Variants in ST8SIA1 observed in about 807,000 individuals in gnomAD.
The protein encoded by ST8SIA1 is ST8 alpha-N-acetyl-neuraminide alpha-2,8-sialyltransferase 1.
A neutral mutation model predicts 35.9 loss-of-function variants in ST8SIA1; 16 were observed. The observed-to-expected ratio is 0.45, with a 90% CI of 0.30 to 0.68. The LOEUF (loss-of-function observed/expected upper bound fraction) is 0.68. Ranked by LOEUF, ST8SIA1 falls within the 30% of genes least tolerant of loss-of-function variation. The pLI is 0.09. For missense variants in ST8SIA1, 383 were observed against 453.6 expected, an observed-to-expected ratio of 0.84 and a Z score of 1.41; for synonymous variants, 170 against 169.6, an observed-to-expected ratio of 1.00 and a Z score of -0.02.
intron 3 of ST8SIA1, among the ~76,000 whole-genome samples, chr12:22,252,718 TAAAAAA>T (rs1865687791): frequency 6.6e-6 from 1 of 152,124 alleles, no homozygotes; most frequent in Non-Finnish European, 1.5e-5. Context: ...CATATAAGGC[TAAAAAA>T]GTCTTGTTTA....
intron 1 of ST8SIA1, among the ~76,000 whole-genome samples, chr12:22,289,764 G>GA (rs1295523050): frequency 1.3e-5 from 2 of 152,150 alleles, no homozygotes; most frequent in Non-Finnish European, 2.9e-5. Context: ...GGTTCAGAAG[G>GA]AAAATTTGTC....
chr12:22,313,521 G>C (rs867632001), intron 1 of ST8SIA1, among the ~76,000 whole-genome samples: 2 of 152,100 alleles, frequency 1.3e-5, no homozygotes, highest in Admixed American at 1.3e-4. Context: ...GAGGATTCTA[G>C]CCTGTGCCAA....
intron 1 of ST8SIA1, among the ~76,000 whole-genome samples, chr12:22,303,846 CCACACACACACACACA>C (rs61596419): frequency 0.022 from 3,119 of 140,774 alleles, 98 homozygotes; most frequent in African/African-American, 0.077. Context: ...CACCACCCTG[CCACACACACACACACA>C]CACACACACA....
intron 1 of ST8SIA1, among the ~76,000 whole-genome samples, chr12:22,314,021 T>C (rs865950376): frequency 4.6e-5 from 7 of 152,168 alleles, no homozygotes; most frequent in African/African-American, 1.4e-4. Context: ...TTGTGGTCCT[T>C]AAAACCGTGA....
At chr12:22,232,509 GTTATT>G (rs1395606739) in intron 4 of ST8SIA1, among the ~76,000 whole-genome samples, 1 of 152,134 alleles carries the variant, frequency 6.6e-6, no homozygotes, top group Non-Finnish European at 1.5e-5. Context: ...TTCTGTACTG[GTTATT>G]TTAAGTTTGA....
Position 22,334,324 on chromosome 12 carries a change from TG to T in ST8SIA1, c.-93del. On this transcript the variant is annotated 5_prime_UTR_variant, in exon 1 of 5. Transcript: ENST00000396037. ...AGGGTCCCCCACCGCCAGCCCCCCATGCACACACACCTTTGGTTCTCTTACT... is the reference window on the plus strand; with the variant it reads ...AGGGTCCCCCACCGCCAGCCCCCCATCACACACACCTTTGGTTCTCTTACT... 1.1e-6 allele frequency: 1 copy of T among 939,554 alleles called. No homozygotes were observed. The highest frequency in any genetic ancestry group is 1.6e-6 in the Non-Finnish European group (1 of 621,352). 58.2% of individuals were successfully genotyped at this position (939,554 alleles called of 1,614,324 possible). A position where few individuals can be genotyped will look rare whatever the true frequency, so the allele number is the denominator to read the frequency against.
In ST8SIA1 at chr12:22,334,399, G is replaced by T; in HGVS notation, c.-167C>A. On this transcript the variant is annotated 5_prime_UTR_variant, in exon 1 of 5. Coordinates refer to ENST00000396037, the MANE Select transcript of ST8SIA1 (RefSeq NM_003034.4). The stretch of plus-strand genomic sequence containing the variant: ...GGCCCCGTCGGCCCCAAAGGTCAGC[G>T]CAAGGATTTTTTCAAATGCAACTTT... The T allele has an allele frequency of 3.3e-6, 2 of 611,162 alleles. No homozygotes were observed. The highest frequency in any genetic ancestry group is 5.8e-6 in the Non-Finnish European group (2 of 347,778). 37.9% of individuals were successfully genotyped at this position (611,162 alleles called of 1,614,324 possible).
chr12:22,195,202 A>AAAAG lies in ST8SIA1; in HGVS notation c.*6349_*6350insCTTT. On this transcript the variant is annotated 3_prime_UTR_variant, in exon 5 of 5. Coordinates refer to ENST00000396037, the MANE Select transcript of ST8SIA1 (RefSeq NM_003034.4). The stretch of plus-strand genomic sequence containing the variant: ...CTCTGTCTCAACAAAAAAAAAAAAA[A>AAAAG]AAAAAAAAAAGAAAGAAAGAAAGAA... The AAAAG allele has an allele frequency of 6.9e-6, 1 of 144,616 alleles. No homozygotes were observed. Among genetic ancestry groups the AAAAG allele is most frequent in the Non-Finnish European group, 1.5e-5 (1 of 65,886 alleles). 9.0% of individuals were successfully genotyped at this position (144,616 alleles called of 1,614,324 possible).
intron 4 of ST8SIA1, among the ~76,000 whole-genome samples, chr12:22,216,853 C>A (rs1488541747): frequency 1.3e-5 from 2 of 152,234 alleles, no homozygotes. Context: ...ATACAAAAAG[C>A]AAAATATGCT....
intron 2 of ST8SIA1, among the ~76,000 whole-genome samples, chr12:22,281,123 AT>A (rs2135812703): frequency 6.6e-6 from 1 of 152,282 alleles, no homozygotes; most frequent in East Asian, 1.9e-4. Context: ...TGCCAAGGCA[AT>A]GCTAAAGTCC....
chr12:22,231,740 A>AT (rs1187257426), intron 4 of ST8SIA1, among the ~76,000 whole-genome samples: 1 of 151,592 alleles, frequency 6.6e-6, no homozygotes, highest in Non-Finnish European at 1.5e-5. Flanking sequence ...CGCCCGGCTA[A>AT]TTTTTTGTAT....
Position 22,255,404 on chromosome 12 carries a change from C to T in ST8SIA1, c.382-15G>A. 1.2e-6 allele frequency: 2 copies of T among 1,610,564 alleles called. No individual in the cohort carries two copies. Among genetic ancestry groups the T allele is most frequent in the Non-Finnish European group, 1.7e-6 (2 of 1,176,706 alleles). On this transcript the variant is annotated splice_polypyrimidine_tract_variant and intron_variant, in intron 2 of 4. Coordinates refer to ENST00000396037, the MANE Select transcript of ST8SIA1 (RefSeq NM_003034.4). Reference sequence around the variant, plus strand: ...AATGGGGTTGCCTAGCAACAGAAAACAAGGCGGGTTTTCACTGCAAAGAAC... The same window carrying T: ...AATGGGGTTGCCTAGCAACAGAAAATAAGGCGGGTTTTCACTGCAAAGAAC...
chr12:22,241,023 G>A (rs115462755), intron 4 of ST8SIA1, among the ~76,000 whole-genome samples: 166 of 141,944 alleles, frequency 1.2e-3, no homozygotes, highest in African/African-American at 4.0e-3. Flanking sequence ...CTGTTGCCCA[G>A]GCAAGACTGC....
chr12:22,209,258 T>A (rs1004313323), intron 4 of ST8SIA1, among the ~76,000 whole-genome samples: 1 of 151,744 alleles, frequency 6.6e-6, no homozygotes, highest in Non-Finnish European at 1.5e-5. Flanking sequence ...TAGCACAACA[T>A]AACAAAACAG....
intron 4 of ST8SIA1, among the ~76,000 whole-genome samples, chr12:22,203,912 G>A (rs1865077554): frequency 6.6e-6 from 1 of 152,122 alleles, no homozygotes; most frequent in Non-Finnish European, 1.5e-5. Flanking sequence ...AGCTTCCTGG[G>A]TTCTGATGAG....
At chr12:22,274,830 A>G (rs1440758418) in intron 2 of ST8SIA1, among the ~76,000 whole-genome samples, 1 of 152,164 alleles carries the variant, frequency 6.6e-6, no homozygotes, top group Non-Finnish European at 1.5e-5. Flanking sequence ...CATTCAGCAC[A>G]TTTTAATTTA....
chr12:22,279,420 G>T (rs928237315), intron 2 of ST8SIA1, among the ~76,000 whole-genome samples: 2 of 152,140 alleles, frequency 1.3e-5, no homozygotes, highest in Non-Finnish European at 2.9e-5. Context: ...TGGCCCCAGT[G>T]CTAGGATGCT....
At chr12:22,308,256 T>C (rs1866408294) in intron 1 of ST8SIA1, among the ~76,000 whole-genome samples, 1 of 152,214 alleles carries the variant, frequency 6.6e-6, no homozygotes. Context: ...ATTAAAAATT[T>C]GAAAGTTATA....
intron 1 of ST8SIA1, among the ~76,000 whole-genome samples, chr12:22,297,532 C>T (rs1343808101): frequency 7.9e-5 from 12 of 152,010 alleles, no homozygotes; most frequent in Admixed American, 6.6e-5. Context: ...AATGGAATTC[C>T]GTGTAAACAC....
Sources: gnomAD v4.1 joint callset for allele counts (sites outside exome capture counted in the v4.1 genomes callset) on GRCh38, gnomAD v4.1.1 for gene constraint, MANE v1.5 for transcripts, NCBI Gene and HGNC (gene_info 2026-07-23, HGNC 2026-07-21) for gene names.